Variants in ADGRG2 observed in about 807,000 individuals in gnomAD.
The protein encoded by ADGRG2 is adhesion G protein-coupled receptor G2, also known as G protein-coupled receptor 64.
In ADGRG2, 26 loss-of-function variants were observed where a neutral mutation model predicts 74.1. The ratio of observed to expected loss-of-function variants is 0.35; its 90% CI spans 0.26 to 0.49. The LOEUF is 0.49. Among genes scored for constraint, ADGRG2 ranks in the 20% least tolerant of loss-of-function variants. The pLI, the probability that ADGRG2 is intolerant of heterozygous loss-of-function variation, is 0.99. For missense variants in ADGRG2, 619 were observed against 763.1 expected, an observed-to-expected ratio of 0.81 and a Z score of 2.22; for synonymous variants, 296 against 295.2, an observed-to-expected ratio of 1.00 and a Z score of -0.03.
intron 1 of ADGRG2, among the ~76,000 whole-genome samples, chrX:19,102,507 C>T (rs2062207395): frequency 9.1e-6 from 1 of 109,475 alleles, no homozygotes; most frequent in African/African-American, 3.3e-5. Context: ...CGCATGGAGG[C>T]CCATCGACCA....
chrX:19,103,640 G>A (rs1177150331), intron 1 of ADGRG2, among the ~76,000 whole-genome samples: 1 of 111,463 alleles, frequency 9.0e-6, no homozygotes, highest in East Asian at 2.8e-4. Flanking sequence ...TTTAATAGAT[G>A]TTTTAACATT....
chrX:19,121,019 C>A (rs1015041618), intron 1 of ADGRG2, among the ~76,000 whole-genome samples: 1 of 111,862 alleles, frequency 8.9e-6, no homozygotes, highest in Non-Finnish European at 1.9e-5. Flanking sequence ...CAGGCTTTAT[C>A]GAGGTCCTCC....
At chrX:19,104,051 A>G (rs748509208) in intron 1 of ADGRG2, among the ~76,000 whole-genome samples, 36 of 111,595 alleles carry the variant, frequency 3.2e-4, no homozygotes, top group African/African-American at 1.1e-3. Flanking sequence ...AGGCAGGAGG[A>G]GGAGAAAGCT....
intron 1 of ADGRG2, among the ~76,000 whole-genome samples, chrX:19,085,530 T>C (rs993918313): frequency 1.8e-5 from 2 of 110,733 alleles, no homozygotes; most frequent in Non-Finnish European, 3.8e-5. Context: ...GGTCTCACCA[T>C]GTTGCCCAGG....
At position 19,014,852 on chromosome X, in the gene ADGRG2, C is replaced by T. The variant is rs186388959; in HGVS notation, c.711-778G>A. 1.6e-4 allele frequency among the ~76,000 whole-genome samples: 18 copies of T among 111,553 alleles called. No homozygotes were observed. In the East Asian group the frequency reaches 3.1e-3, roughly 19 times the overall value. ...TTTGCTATGTTGGCCAGGCTGGTCT[C>T]GAACTCCTGACCTCCGATGATCTGC... On this transcript the variant is annotated intron_variant, in intron 15 of 28. Coordinates refer to ENST00000379869, the MANE Select transcript of ADGRG2 (RefSeq NM_001079858.3).
At chrX:19,066,382 T>TTG (rs1295156082) in intron 3 of ADGRG2, among the ~76,000 whole-genome samples, 1 of 105,747 alleles carries the variant, frequency 9.5e-6, no homozygotes, top group Non-Finnish European at 1.9e-5. Context: ...AGTTATTTCG[T>TTG]TGTGTGTCCT....
At chrX:19,040,510 T>C (rs1365899083) in intron 3 of ADGRG2, among the ~76,000 whole-genome samples, 1 of 112,421 alleles carries the variant, frequency 8.9e-6, no homozygotes, top group Non-Finnish European at 1.9e-5. Context: ...TTAACATCTT[T>C]AATGGAAGTG....
At position 19,037,609 on chromosome X, in the gene ADGRG2, G is replaced by T; in HGVS notation, c.182C>A (p.Pro61His). Residue 61 changes from proline to histidine, a missense_variant, in exon 5 of 29, where the codon CCC (proline) becomes CAC (histidine). Coordinates refer to ENST00000379869, the MANE Select transcript of ADGRG2 (RefSeq NM_001079858.3). ...PAKLSVVSFA[P>H]SSNGTPEVET... ...CTTGCCTGGAGTACCATTGGAGGAG[G>T]GGGCAAAACTGACAACAGATAATTT... is the stretch of plus-strand genomic sequence containing the variant. The T allele has an allele frequency of 8.7e-7, 1 of 1,155,760 alleles. No homozygotes were observed. The highest frequency in any genetic ancestry group is 1.2e-6 in the Non-Finnish European group (1 of 863,350).
chrX:19,037,767 T>C (rs1443904103), intron 4 of ADGRG2, 131 bp from the exon 5 acceptor site: 3 of 460,916 alleles, frequency 6.5e-6, no homozygotes, highest in Non-Finnish European at 1.1e-5. Context: ...TGTAGTTAAA[T>C]CTGCATGTCC....
At chrX:19,122,692 C>T (rs1334892520), upstream of ADGRG2, 4 of 109,426 alleles carry the variant, frequency 3.7e-5, no homozygotes, top group East Asian at 2.9e-4. Context: ...GCAGCGCGGC[C>T]GGCCGAAGCC....
chrX:19,020,855 G>A (rs1025750391), intron 14 of ADGRG2, among the ~76,000 whole-genome samples: 2 of 109,680 alleles, frequency 1.8e-5, no homozygotes, highest in Admixed American at 9.8e-5. Context: ...CCAGCTACTC[G>A]GGAGGCTAAG....
chrX:19,010,841 C>T (rs980903916), intron 16 of ADGRG2, 63 bp from the exon 17 acceptor site: 6 of 831,206 alleles, frequency 7.2e-6, no homozygotes, highest in Admixed American at 5.9e-5. Flanking sequence ...TAAAGATAAA[C>T]GTACATAGAC....
intron 1 of ADGRG2, among the ~76,000 whole-genome samples, chrX:19,119,834 CA>C (rs2062582766): frequency 9.0e-6 from 1 of 111,157 alleles, no homozygotes; most frequent in African/African-American, 3.3e-5. Flanking sequence ...AAAAACACAG[CA>C]GCTTTCCTTT....
At chrX:18,995,111 A>G (rs2059994275) in intron 27 of ADGRG2, 63 bp from the exon 28 acceptor site, 2 of 865,570 alleles carry the variant, frequency 2.3e-6, no homozygotes, top group Non-Finnish European at 3.3e-6. Flanking sequence ...CGCAAGAGAC[A>G]GATCACAGTG....
intron 1 of ADGRG2, among the ~76,000 whole-genome samples, chrX:19,111,111 T>C (rs1277245245): frequency 9.0e-6 from 1 of 111,571 alleles, no homozygotes; most frequent in Non-Finnish European, 1.9e-5. Context: ...ATGAAACTAG[T>C]AGGTGTGGAG....
At chrX:19,094,418 G>A (rs2062062857) in intron 1 of ADGRG2, among the ~76,000 whole-genome samples, 1 of 110,634 alleles carries the variant, frequency 9.0e-6, no homozygotes, top group African/African-American at 3.3e-5. Context: ...GCAGGCCTCA[G>A]TGACCAGGCA....
rs920584441 is a variant in ADGRG2, at chrX:18,989,708, T to A, written c.*1156A>T. 1.8e-5 allele frequency: 2 copies of A among 112,698 alleles called. No homozygotes were observed. Among genetic ancestry groups the A allele is most frequent in the African/African-American group, 6.5e-5 (2 of 30,951 alleles). 9.3% of individuals were successfully genotyped at this position (112,698 alleles called of 1,213,427 possible). On this transcript the variant is annotated 3_prime_UTR_variant, in exon 29 of 29. Coordinates refer to ENST00000379869, the MANE Select transcript of ADGRG2 (RefSeq NM_001079858.3). ...TCACTGTGCATTCTTCAAGACACAT[T>A]TAAAAAACAATTATAGCTCTGGCTG...
At chrX:18,999,724 G>A in intron 25 of ADGRG2, 137 bp downstream of exon 25, 4 of 507,857 alleles carry the variant, frequency 7.9e-6, no homozygotes, top group Non-Finnish European at 1.1e-5. Flanking sequence ...ACATATGACT[G>A]TGAAGGCTGC....
intron 15 of ADGRG2, 88 bp from the exon 16 acceptor site, chrX:19,014,162 C>T (rs889972359): frequency 2.6e-5 from 19 of 735,386 alleles, no homozygotes; most frequent in Middle Eastern, 3.6e-4. Flanking sequence ...CATCTGACAC[C>T]GTCAAGTTGA....
Sources: allele counts gnomAD v4.1 joint callset (sites outside exome capture counted in the v4.1 genomes callset), GRCh38; gene constraint gnomAD v4.1.1; transcripts MANE v1.5; gene names NCBI Gene and HGNC (gene_info 2026-07-23, HGNC 2026-07-21).